TYW1: variants seen among roughly 807,000 people sequenced by gnomAD.
The protein encoded by TYW1 is S-adenosyl-L-methionine-dependent tRNA 4-demethylwyosine synthase TYW1.
Under a neutral mutation model 96.2 loss-of-function variants are expected in TYW1, and 46 were observed. The ratio of observed to expected loss-of-function variants is 0.48; its 90% CI spans 0.38 to 0.61. TYW1 has a LOEUF of 0.61. TYW1 is among the 20% of genes least tolerant of loss of function. The pLI, the probability that TYW1 is intolerant of heterozygous loss-of-function variation, is 0.00. For synonymous variants in TYW1, 274 were observed against 323.0 expected (o/e 0.85, Z 1.63); for missense variants, 684 against 909.6 (o/e 0.75, Z 3.19).
chr7:67,027,757 C>T (rs1426269213), intron 7 of TYW1, among the ~76,000 whole-genome samples: 4 of 151,928 alleles, frequency 2.6e-5, no homozygotes, highest in Admixed American at 6.6e-5. Flanking sequence ...GGTGAAACCC[C>T]GTCTCTACTA....
intron 13 of TYW1, among the ~76,000 whole-genome samples, chr7:67,160,038 G>A (rs1021619213): frequency 6.6e-6 from 1 of 152,068 alleles, no homozygotes; most frequent in Non-Finnish European, 1.5e-5. Flanking sequence ...TCCTGACCTC[G>A]TGATCAGCCC....
intron 7 of TYW1, among the ~76,000 whole-genome samples, chr7:67,042,957 T>C (rs1795078034): frequency 6.6e-6 from 1 of 151,926 alleles, no homozygotes; most frequent in Admixed American, 6.6e-5. Flanking sequence ...AGATTGTGCC[T>C]CTGTACTCCA....
chr7:67,228,934 A>G (rs1801652847), intron 15 of TYW1, among the ~76,000 whole-genome samples: 1 of 152,252 alleles, frequency 6.6e-6, no homozygotes, highest in South Asian at 2.1e-4. Flanking sequence ...TCAGTTCTTC[A>G]TCTGCAACCT....
At chr7:67,058,091 T>A (rs936588790) in intron 9 of TYW1, among the ~76,000 whole-genome samples, 26 of 152,070 alleles carry the variant, frequency 1.7e-4, no homozygotes, top group Admixed American at 2.6e-4. Flanking sequence ...CCCGCCACCA[T>A]GCCCGGCTAA....
intron 13 of TYW1, among the ~76,000 whole-genome samples, chr7:67,178,518 A>G (rs566086620): frequency 6.6e-6 from 1 of 152,336 alleles, no homozygotes; most frequent in South Asian, 2.1e-4. Flanking sequence ...ATTGTTTTAT[A>G]ATAGCTAAAA....
chr7:67,067,195 C>T, intron 9 of TYW1, 90 bp from the exon 10 acceptor site: 10 of 1,394,602 alleles, frequency 7.2e-6, no homozygotes, highest in Non-Finnish European at 1.0e-5. Flanking sequence ...GGTTACGAAA[C>T]ACATGGTTTC....
chr7:67,001,602 A>G (rs2129236669), intron 3 of TYW1, among the ~76,000 whole-genome samples: 1 of 151,590 alleles, frequency 6.6e-6, no homozygotes, highest in South Asian at 2.1e-4. Flanking sequence ...TTGTATTTTT[A>G]GTAGAGATGG....
chr7:67,024,132 C>T lies in TYW1; in HGVS notation c.862-768C>T, dbSNP rs535917279. Among the ~76,000 whole-genome samples the T allele has an allele frequency of 2.0e-5, 3 of 152,214 alleles. No individual in the cohort carries two copies. In the South Asian group the frequency reaches 6.2e-4, roughly 32 times the overall value. On this transcript the variant is annotated intron_variant, in intron 6 of 15. Coordinates refer to ENST00000359626, the MANE Select transcript of TYW1 (RefSeq NM_018264.4). The stretch of plus-strand genomic sequence containing the variant: ...GGTGAAGTGTTAGTTGTTCCCACTC[C>T]ATCATGCCCTTTCACAGTTGTTAGT...
chr7:67,146,655 A>G (rs1161984620), intron 13 of TYW1, among the ~76,000 whole-genome samples: 1 of 152,234 alleles, frequency 6.6e-6, no homozygotes, highest in Admixed American at 6.5e-5. Context: ...ATTGTATAAC[A>G]ATATTCAGAA....
chr7:67,065,838 C>T (rs1795840430), intron 9 of TYW1, among the ~76,000 whole-genome samples: 1 of 152,018 alleles, frequency 6.6e-6, no homozygotes. Flanking sequence ...TGGTAAAACC[C>T]TGTATCTACA....
At chr7:67,195,366 T>C (rs1237496982) in intron 15 of TYW1, 29 bp downstream of exon 15, 2 of 1,610,016 alleles carry the variant, frequency 1.2e-6, no homozygotes, top group Non-Finnish European at 8.5e-7. Flanking sequence ...TGGATTCTTC[T>C]GTTCCCCGAC....
intron 1 of TYW1, among the ~76,000 whole-genome samples, chr7:66,997,739 C>T (rs1393476957): frequency 1.3e-5 from 2 of 151,354 alleles, no homozygotes; most frequent in Non-Finnish European, 2.9e-5. Flanking sequence ...AACAGTTCTC[C>T]TGCCTCAGCC....
At chr7:67,144,796 TC>T (rs1417874984) in intron 13 of TYW1, among the ~76,000 whole-genome samples, 55 of 152,250 alleles carry the variant, frequency 3.6e-4, no homozygotes, top group African/African-American at 1.2e-3. Flanking sequence ...TATCCAAACT[TC>T]CTACAGCACA....
At chr7:67,127,619 A>G (rs537977630) in intron 13 of TYW1, among the ~76,000 whole-genome samples, 16 of 152,300 alleles carry the variant, frequency 1.1e-4, no homozygotes, top group African/African-American at 3.9e-4. Context: ...AATAAGAAAA[A>G]TAAACATTTT....
intron 15 of TYW1, among the ~76,000 whole-genome samples, chr7:67,214,247 T>G (rs1445833465): frequency 6.6e-6 from 1 of 152,208 alleles, no homozygotes; most frequent in Non-Finnish European, 1.5e-5. Context: ...TATTTCAATT[T>G]TTGATGCTAA....
At chr7:67,141,617 G>A in intron 13 of TYW1, among the ~76,000 whole-genome samples, 1 of 152,220 alleles carries the variant, frequency 6.6e-6, no homozygotes, top group African/African-American at 2.4e-5. Context: ...GAGTGTGAGT[G>A]TTTGACTCCC....
At chr7:67,210,701 T>C (rs1038679677) in intron 15 of TYW1, among the ~76,000 whole-genome samples, 3 of 82,594 alleles carry the variant, frequency 3.6e-5, no homozygotes, top group African/African-American at 1.8e-4. Context: ...CGTCCATCCA[T>C]CCATCCATTC....
At chr7:67,155,734 T>C (rs1312675420) in intron 13 of TYW1, among the ~76,000 whole-genome samples, 1 of 152,132 alleles carries the variant, frequency 6.6e-6, no homozygotes, top group African/African-American at 2.4e-5. Flanking sequence ...AAGTATTCTT[T>C]TATAGTGGTG....
chr7:67,076,357 A>G (rs1300739438), intron 10 of TYW1, among the ~76,000 whole-genome samples: 1 of 152,172 alleles, frequency 6.6e-6, no homozygotes, highest in Admixed American at 6.5e-5. Flanking sequence ...AATTAAATTT[A>G]TGTTCAGTTG....
Sources: gnomAD v4.1 joint callset for allele counts (sites outside exome capture counted in the v4.1 genomes callset) on GRCh38, gnomAD v4.1.1 for gene constraint, MANE v1.5 for transcripts, NCBI Gene and HGNC (gene_info 2026-07-23, HGNC 2026-07-21) for gene names.